Variants in MAN1A1 observed in about 807,000 individuals in gnomAD.
MAN1A1 encodes the protein mannosyl-oligosaccharide 1,2-alpha-mannosidase IA.
Under a neutral mutation model 70.8 loss-of-function variants are expected in MAN1A1, and 29 were observed. The observed-to-expected ratio is 0.41, with a 90% CI of 0.31 to 0.56. The LOEUF (loss-of-function observed/expected upper bound fraction) is 0.56. Among genes scored for constraint, MAN1A1 ranks in the 20% least tolerant of loss-of-function variants. MAN1A1 has a pLI of 0.29. For missense variants in MAN1A1, 747 were observed against 841.3 expected, an observed-to-expected ratio of 0.89 and a Z score of 1.39; for synonymous variants, 349 against 330.1, an observed-to-expected ratio of 1.06 and a Z score of -0.62.
At chr6:119,277,474 A>G (rs1490051538) in intron 5 of MAN1A1, among the ~76,000 whole-genome samples, 1 of 152,136 alleles carries the variant, frequency 6.6e-6, no homozygotes, top group Non-Finnish European at 1.5e-5. Flanking sequence ...AACAAAAACA[A>G]ATTTTTTTAT....
intron 2 of MAN1A1, among the ~76,000 whole-genome samples, chr6:119,337,068 G>A (rs1245959992): frequency 6.6e-6 from 1 of 152,156 alleles, no homozygotes; most frequent in Non-Finnish European, 1.5e-5. Flanking sequence ...TATTTCAGCA[G>A]TGTTGTATTT....
chr6:119,201,361 T>C lies in MAN1A1; in HGVS notation c.1117-14A>G. On this transcript the variant is annotated splice_polypyrimidine_tract_variant and intron_variant, in intron 7 of 12. Transcript: ENST00000368468. The stretch of plus-strand genomic sequence containing the variant: ...AATATTCATTACCTATAATAGAAAA[T>C]AAAATGTTACCGTGAAAATCTAAAA... 6.4e-7 allele frequency: 1 copy of C among 1,559,500 alleles called. No individual in the cohort carries two copies. The highest frequency in any genetic ancestry group is 8.8e-7 in the Non-Finnish European group (1 of 1,133,316).
At chr6:119,259,810 C>G (rs999350047) in intron 5 of MAN1A1, among the ~76,000 whole-genome samples, 2 of 152,128 alleles carry the variant, frequency 1.3e-5, no homozygotes, top group Non-Finnish European at 2.9e-5. Flanking sequence ...CACCTTGAAA[C>G]TTAGAGAAGT....
intron 2 of MAN1A1, among the ~76,000 whole-genome samples, chr6:119,341,726 C>G (rs1396467336): frequency 6.6e-6 from 1 of 152,150 alleles, no homozygotes; most frequent in Non-Finnish European, 1.5e-5. Flanking sequence ...AATAATAATT[C>G]TCACTTCTTA....
chr6:119,251,549 T>C (rs1775316809), intron 5 of MAN1A1, among the ~76,000 whole-genome samples: 1 of 152,244 alleles, frequency 6.6e-6, no homozygotes, highest in South Asian at 2.1e-4. Flanking sequence ...TTGCCTTCTG[T>C]GAACTCCCAC....
At chr6:119,245,389 C>G (rs1775143271) in intron 6 of MAN1A1, among the ~76,000 whole-genome samples, 1 of 152,146 alleles carries the variant, frequency 6.6e-6, no homozygotes, top group Admixed American at 6.5e-5. Context: ...ATACCTTGGA[C>G]CATACTGTGA....
At chr6:119,306,866 T>A (rs1448963832) in intron 3 of MAN1A1, 30 bp downstream of exon 3, 17 of 1,449,678 alleles carry the variant, frequency 1.2e-5, no homozygotes, top group Non-Finnish European at 1.6e-5. Flanking sequence ...GAAGTTATCG[T>A]CACTAAGAAA....
At chr6:119,199,128 A>G (rs1057278345) in intron 8 of MAN1A1, among the ~76,000 whole-genome samples, 2 of 152,214 alleles carry the variant, frequency 1.3e-5, no homozygotes, top group Non-Finnish European at 2.9e-5. Flanking sequence ...ATATCAGAAA[A>G]CCACATTTGT....
chr6:119,234,167 C>T (rs1321652374), intron 6 of MAN1A1, among the ~76,000 whole-genome samples: 3 of 152,072 alleles, frequency 2.0e-5, no homozygotes, highest in African/African-American at 7.2e-5. Flanking sequence ...GACAATTTAA[C>T]AATAGAACAA....
Position 119,241,898 on chromosome 6 carries a change from ATGTGTG to A in MAN1A1, c.992+6356_992+6361del, listed in dbSNP as rs59230995. On this transcript the variant is annotated intron_variant, in intron 6 of 12. Transcript: ENST00000368468. ...AGGGAAAGATGAAGGCAGCAATTAT[ATGTGTG>A]TGTGTGTGTGTGTGTGTGTTTGTGT... Among the ~76,000 whole-genome samples the A allele has an allele frequency of 6.7e-3, 996 of 149,348 alleles. 31 individuals carry two copies. The East Asian group carries it at 0.091, about 14-fold the overall frequency.
chr6:119,259,666 T>C (rs1775554276), intron 5 of MAN1A1, among the ~76,000 whole-genome samples: 1 of 152,166 alleles, frequency 6.6e-6, no homozygotes, highest in East Asian at 1.9e-4. Context: ...TTTTAAATTA[T>C]CAAATGGTGA....
intron 2 of MAN1A1, among the ~76,000 whole-genome samples, chr6:119,337,264 A>T (rs546979433): frequency 6.9e-6 from 1 of 145,414 alleles, no homozygotes; most frequent in Non-Finnish European, 1.5e-5. Flanking sequence ...TGACTGTTGT[A>T]AAAAAAAAAA....
At chr6:119,291,342 T>C (rs1400549546) in intron 4 of MAN1A1, among the ~76,000 whole-genome samples, 1 of 152,066 alleles carries the variant, frequency 6.6e-6, no homozygotes, top group South Asian at 2.1e-4. Context: ...AACCTCTTTT[T>C]CTTCCCAGTC....
intron 5 of MAN1A1, among the ~76,000 whole-genome samples, chr6:119,260,352 C>T (rs949229622): frequency 6.6e-6 from 1 of 152,152 alleles, no homozygotes; most frequent in Admixed American, 6.6e-5. Context: ...TAAGGATACA[C>T]CAGAACTTAT....
At position 119,270,110 on chromosome 6, in the gene MAN1A1, C is replaced by T. The variant is rs529785212; in HGVS notation, c.897+20573G>A. ...ACCTTACTCTAGCAGTCTTTGTTAG[C>T]TTCTTTGTTACCTGGTTTGATATTT... On this transcript the variant is annotated intron_variant, in intron 5 of 12. Coordinates refer to ENST00000368468, the MANE Select transcript of MAN1A1 (RefSeq NM_005907.4). 2.0e-5 allele frequency among the ~76,000 whole-genome samples: 3 copies of T among 152,226 alleles called. No individual in the cohort carries two copies. The South Asian group carries it at 6.2e-4, about 32-fold the overall frequency.
At chr6:119,305,370 A>T (rs1253028300) in intron 3 of MAN1A1, among the ~76,000 whole-genome samples, 1 of 152,132 alleles carries the variant, frequency 6.6e-6, no homozygotes, top group Non-Finnish European at 1.5e-5. Flanking sequence ...TGGAGTTATA[A>T]TTTTTTCAAA....
chr6:119,191,873 T>C (rs553696593), intron 9 of MAN1A1, among the ~76,000 whole-genome samples: 1 of 152,222 alleles, frequency 6.6e-6, no homozygotes, highest in Non-Finnish European at 1.5e-5. Flanking sequence ...TTGGTTACAA[T>C]AATCTTCTAA....
rs546890431 is a variant in MAN1A1 at position 119,306,863 on chromosome 6, T to C, written c.700+33A>G. On this transcript the variant is annotated intron_variant, in intron 3 of 12. Transcript: ENST00000368468. ...AGCTCAAGCAATTGGGGAGAAGTTA[T>C]CGTCACTAAGAAACCAAAGCACATC... 3.7e-5 allele frequency: 52 copies of C among 1,417,306 alleles called. No individual in the cohort carries two copies. The South Asian group carries it at 5.4e-4, about 15-fold the overall frequency. The allele number at this position is 1,417,306 out of a possible 1,614,324, so 87.8% of individuals were successfully genotyped here.
At position 119,349,758 on chromosome 6, in the gene MAN1A1, C is replaced by G; in HGVS notation, c.-439G>C. 1.0e-6 allele frequency: 1 copy of G among 985,430 alleles called. No homozygotes were observed. Among genetic ancestry groups the G allele is most frequent in the Non-Finnish European group, 1.2e-6 (1 of 829,884 alleles). The allele number at this position is 985,430 out of a possible 1,614,324, so 61.0% of individuals were successfully genotyped here. On this transcript the variant is annotated 5_prime_UTR_variant, in exon 1 of 13. Coordinates refer to ENST00000368468, the MANE Select transcript of MAN1A1 (RefSeq NM_005907.4). Reference sequence around the variant, plus strand: ...GTACACTCCGCCGCGGCCCCGCGAGCACTAATCTCACTGCCGGTCTTGGGG... The same window carrying G: ...GTACACTCCGCCGCGGCCCCGCGAGGACTAATCTCACTGCCGGTCTTGGGG...
Sources: allele counts gnomAD v4.1 joint callset (sites outside exome capture counted in the v4.1 genomes callset), GRCh38; gene constraint gnomAD v4.1.1; transcripts MANE v1.5; gene names NCBI Gene and HGNC (gene_info 2026-07-23, HGNC 2026-07-21).